The following PDE10A variants were observed in gnomAD, a reference collection of about 807,000 sequenced individuals.
The protein encoded by PDE10A is cAMP and cAMP-inhibited cGMP 3',5'-cyclic phosphodiesterase 10A.
PDE10A carries 39 observed loss-of-function variants against 97.7 expected under a neutral mutation model. The ratio of observed to expected loss-of-function variants is 0.40; its 90% CI spans 0.31 to 0.52. The LOEUF is 0.52. Ranked by LOEUF, PDE10A falls within the 20% of genes least tolerant of loss-of-function variation. The probability of loss-of-function intolerance (pLI) is 0.56; values close to 1 mark genes in which losing one functional copy is unlikely to be tolerated. For missense variants in PDE10A, 731 were observed against 1,047.8 expected (o/e 0.70, Z 4.17); for synonymous variants, 371 against 376.8 (o/e 0.98, Z 0.18).
chr6:165,896,521 ATTTTTTTT>A lies in PDE10A; in HGVS notation c.-615+91000_-615+91007del, dbSNP rs35509574. On this transcript the variant is annotated intron_variant, in intron 1 of 19. Coordinates refer to the PDE10A transcript ENST00000366882. Reference sequence around the variant, plus strand: ...GGTGCCCACCACAACACGCCAGCTAATTTTTTTTTTTTTTTTTTTTTGAGATGGAGTCT... The same window carrying A: ...GGTGCCCACCACAACACGCCAGCTAATTTTTTTTTTTTTGAGATGGAGTCT... 6.6e-5 allele frequency among the ~76,000 whole-genome samples: 7 copies of A among 105,756 alleles called. No homozygotes were observed. The East Asian group carries it at 1.9e-3, about 28-fold the overall frequency. The allele number at this position is 105,756 out of a possible 152,430, so 69.4% of individuals were successfully genotyped here.
intron 1 of PDE10A, among the ~76,000 whole-genome samples, chr6:165,642,019 T>C (rs914444952): frequency 2.1e-4 from 1 of 4,798 alleles, no homozygotes; most frequent in Non-Finnish European, 7.2e-4. Context: ...ATCATGAACG[T>C]GTGTGTGTGT....
chr6:165,777,442 C>G (rs1476940249), intron 1 of PDE10A, among the ~76,000 whole-genome samples: 1 of 152,194 alleles, frequency 6.6e-6, no homozygotes, highest in African/African-American at 2.4e-5. Context: ...GGGCACTCAA[C>G]AAAAACCCTG....
At chr6:165,430,205 A>C in intron 9 of PDE10A, 82 bp downstream of exon 9, 1 of 901,184 alleles carries the variant, frequency 1.1e-6, no homozygotes, top group Non-Finnish European at 1.8e-6. Context: ...TGCAATAGAC[A>C]ATGGTCTATT....
chr6:165,520,698 G>C (rs771107333), intron 2 of PDE10A, among the ~76,000 whole-genome samples: 2 of 152,024 alleles, frequency 1.3e-5, no homozygotes, highest in African/African-American at 4.8e-5. Flanking sequence ...TGAGTCTGTC[G>C]GTCAATTACT....
intron 2 of PDE10A, among the ~76,000 whole-genome samples, chr6:165,514,449 A>T (rs508289): frequency 0.93 from 141,190 of 152,282 alleles, 65,650 homozygotes; most frequent in East Asian, 1. Flanking sequence ...ATAAGCCTGT[A>T]TCAGTGTGTA....
chr6:165,803,052 G>A (rs1339234282), intron 1 of PDE10A, among the ~76,000 whole-genome samples: 5 of 152,298 alleles, frequency 3.3e-5, no homozygotes, highest in East Asian at 3.9e-4. Flanking sequence ...ATACATTGCC[G>A]ATAATTAAAT....
At chr6:165,400,003 C>G (rs533289289) in intron 13 of PDE10A, among the ~76,000 whole-genome samples, 1 of 152,240 alleles carries the variant, frequency 6.6e-6, no homozygotes, top group African/African-American at 2.4e-5. Context: ...ATCAGTGGAA[C>G]TAAATACAGA....
chr6:165,953,551 A>ACT (rs994501634), intron 1 of PDE10A, among the ~76,000 whole-genome samples: 1 of 151,916 alleles, frequency 6.6e-6, no homozygotes, highest in African/African-American at 2.4e-5. Context: ...AGATTGTGCC[A>ACT]CTGCACTCCA....
chr6:165,709,318 A>T lies in PDE10A; in HGVS notation c.-614-165750T>A, dbSNP rs577904135. 4.8e-3 allele frequency among the ~76,000 whole-genome samples: 150 copies of T among 31,542 alleles called. 1 individual carries two copies. The highest frequency in any genetic ancestry group is 0.02 in the African/African-American group (142 of 7,242). 20.7% of individuals were successfully genotyped at this position (31,542 alleles called of 152,430 possible). A position where few individuals can be genotyped will look rare whatever the true frequency, so the allele number is the denominator to read the frequency against. On this transcript the variant is annotated intron_variant, in intron 1 of 19. Coordinates refer to the PDE10A transcript ENST00000366882. ...CACCATGCTGCGGCGCTCTCCCCCCACTCCACCGCTATGCTGTGGTGCTCT... is the reference window on the plus strand; with the variant it reads ...CACCATGCTGCGGCGCTCTCCCCCCTCTCCACCGCTATGCTGTGGTGCTCT...
At chr6:165,894,092 A>C (rs1781875784) in intron 1 of PDE10A, 1 of 356,462 alleles carries the variant, frequency 2.8e-6, no homozygotes, top group Non-Finnish European at 5.5e-6. Flanking sequence ...CACTTCCTGG[A>C]TGACTAAAGT....
At chr6:165,455,421 G>A (rs966647352) in intron 3 of PDE10A, among the ~76,000 whole-genome samples, 1 of 152,166 alleles carries the variant, frequency 6.6e-6, no homozygotes, top group Non-Finnish European at 1.5e-5. Context: ...CCCCACGTAG[G>A]AAGGGACAGA....
At chr6:165,871,324 G>A (rs1274069990) in intron 1 of PDE10A, among the ~76,000 whole-genome samples, 3 of 152,192 alleles carry the variant, frequency 2.0e-5, no homozygotes, top group African/African-American at 7.2e-5. Flanking sequence ...TAAAAAATGT[G>A]TGCTTTACTT....
chr6:165,511,628 C>A (rs369659974), intron 2 of PDE10A, among the ~76,000 whole-genome samples: 3 of 151,958 alleles, frequency 2.0e-5, no homozygotes, highest in Non-Finnish European at 4.4e-5. Context: ...AAATTCCCCA[C>A]TCTCATTGTA....
At chr6:165,688,373 G>A (rs1449022763) in intron 1 of PDE10A, among the ~76,000 whole-genome samples, 6 of 152,134 alleles carry the variant, frequency 3.9e-5, no homozygotes, top group African/African-American at 1.4e-4. Context: ...AAATCCGAAG[G>A]TTCATCTCCA....
chr6:165,626,071 C>A (rs906758031), intron 1 of PDE10A, among the ~76,000 whole-genome samples: 1 of 152,008 alleles, frequency 6.6e-6, no homozygotes, highest in East Asian at 1.9e-4. Flanking sequence ...AGTGGGGCAG[C>A]GAAGGACAAA....
At chr6:165,734,598 T>C (rs781668399) in intron 1 of PDE10A, among the ~76,000 whole-genome samples, 3 of 151,988 alleles carry the variant, frequency 2.0e-5, no homozygotes, top group Admixed American at 6.5e-5. Context: ...AAATGAAGAA[T>C]GAAATAAACA....
chr6:165,569,638 T>G (rs1162339542), intron 1 of PDE10A, among the ~76,000 whole-genome samples: 1 of 152,206 alleles, frequency 6.6e-6, no homozygotes, highest in East Asian at 1.9e-4. Flanking sequence ...TAGGAAATGT[T>G]CCTCTTGTCT....
intron 15 of PDE10A, among the ~76,000 whole-genome samples, chr6:165,394,022 G>T (rs1319382587): frequency 6.6e-6 from 1 of 151,902 alleles, no homozygotes; most frequent in Non-Finnish European, 1.5e-5. Context: ...ATGTTAGGTT[G>T]AAAGTTGATG....
chr6:165,975,842 T>C (rs1784830428), intron 1 of PDE10A, among the ~76,000 whole-genome samples: 1 of 152,222 alleles, frequency 6.6e-6, no homozygotes, highest in East Asian at 1.9e-4. Context: ...CCTTTTTAAG[T>C]TCAAAGTCTA....
Sources: gnomAD v4.1 joint callset for allele counts (sites outside exome capture counted in the v4.1 genomes callset) on GRCh38, gnomAD v4.1.1 for gene constraint, MANE v1.5 for transcripts, NCBI Gene and HGNC (gene_info 2026-07-23, HGNC 2026-07-21) for gene names.